The following TBC1D13 variants were observed in gnomAD, a reference collection of about 807,000 sequenced individuals.
TBC1D13 encodes TBC1 domain family member 13.
In TBC1D13, 40 loss-of-function variants were observed where a neutral mutation model predicts 53.6. The ratio of observed to expected loss-of-function variants is 0.75; its 90% CI spans 0.58 to 0.97. TBC1D13 has a LOEUF of 0.97. Ranked by LOEUF, TBC1D13 falls within the 50% of genes least tolerant of loss-of-function variation. TBC1D13 has a pLI of 0.00. For synonymous variants in TBC1D13, 182 were observed against 197.7 expected, an observed-to-expected ratio of 0.92 and a Z score of 0.67; for missense variants, 377 against 499.4, an observed-to-expected ratio of 0.75 and a Z score of 2.34.
At position 128,804,589 on chromosome 9, in the gene TBC1D13, G is replaced by A. The variant is rs1829793911; in HGVS notation, c.918+470G>A. On this transcript the variant is annotated intron_variant, in intron 9 of 11. Coordinates refer to ENST00000372648, the MANE Select transcript of TBC1D13 (RefSeq NM_018201.5). ...GCCCGGCTAATTTTTTGTATTTTTA[G>A]TAGAGATGGAGTTTCACTGTGTTAG... is the stretch of plus-strand genomic sequence containing the variant. Among the ~76,000 whole-genome samples the A allele has an allele frequency of 2.6e-5, 4 of 151,454 alleles. No individual in the cohort carries two copies. The South Asian group carries it at 8.3e-4, about 32-fold the overall frequency.
At chr9:128,807,155 C>T (rs1281141979) in intron 11 of TBC1D13, among the ~76,000 whole-genome samples, 4 of 149,460 alleles carry the variant, frequency 2.7e-5, no homozygotes, top group South Asian at 4.4e-4. Flanking sequence ...GGTGCAATCT[C>T]GGTTCACTGC....
chr9:128,788,422 T>C lies in TBC1D13; in HGVS notation c.97+15T>C. The C allele has an allele frequency of 6.2e-7, 1 of 1,612,988 alleles. No individual in the cohort carries two copies. Among genetic ancestry groups the C allele is most frequent in the Non-Finnish European group, 8.5e-7 (1 of 1,179,070 alleles). ...CAGCTTTAGTGGTAAGAAGCCATTC[T>C]GTATTTTCACGGTTTCCCTACAGCA... On this transcript the variant is annotated intron_variant, in intron 2 of 11. Transcript: ENST00000372648.
At chr9:128,800,789 G>A (rs986926545) in intron 7 of TBC1D13, among the ~76,000 whole-genome samples, 2 of 152,170 alleles carry the variant, frequency 1.3e-5, no homozygotes, top group Non-Finnish European at 2.9e-5. Flanking sequence ...TTATTTGTGT[G>A]TGTATTATAT....
In TBC1D13 at chr9:128,808,040, T is replaced by G. The variant is rs543907778; in HGVS notation, c.*161T>G. On this transcript the variant is annotated 3_prime_UTR_variant, in exon 12 of 12. Coordinates refer to ENST00000372648, the MANE Select transcript of TBC1D13 (RefSeq NM_018201.5). ...CTGGGGACACACTGTGCCGTGCTCC[T>G]TCTGCCGCCACGCCCAGCTCCCCAC... is the stretch of plus-strand genomic sequence containing the variant. 3.0e-6 allele frequency: 2 copies of G among 667,980 alleles called. No homozygotes were observed. The highest frequency in any genetic ancestry group is 5.5e-5 in the East Asian group (2 of 36,426). 41.4% of individuals were successfully genotyped at this position (667,980 alleles called of 1,614,324 possible).
In TBC1D13 at chr9:128,808,010, G is replaced by C; in HGVS notation, c.*131G>C. 1.2e-6 allele frequency: 1 copy of C among 802,250 alleles called. No homozygotes were observed. The highest frequency in any genetic ancestry group is 2.1e-5 in the Admixed American group (1 of 48,756). The allele number at this position is 802,250 out of a possible 1,614,324, so 49.7% of individuals were successfully genotyped here. A position where few individuals can be genotyped will look rare whatever the true frequency, so the allele number is the denominator to read the frequency against. ...AGGATCGGCCCGAGACCCAGGCCAT[G>C]CCCACTGGGGACACACTGTGCCGTG... On this transcript the variant is annotated 3_prime_UTR_variant, in exon 12 of 12. Transcript: ENST00000372648.
intron 7 of TBC1D13, among the ~76,000 whole-genome samples, chr9:128,799,349 A>G (rs1160753193): frequency 6.6e-6 from 1 of 152,206 alleles, no homozygotes; most frequent in African/African-American, 2.4e-5. Flanking sequence ...TTTGAGTTAA[A>G]GACCATCTGT....
intron 7 of TBC1D13, among the ~76,000 whole-genome samples, chr9:128,798,896 TAGAGAC>T (rs1829683389): frequency 6.6e-6 from 1 of 152,206 alleles, no homozygotes. Context: ...TTTTTTTAAA[TAGAGAC>T]AGAGTCTTGC....
At chr9:128,788,294 T>C (rs1294105959) in intron 1 of TBC1D13, 40 bp from the exon 2 acceptor site, 4 of 1,591,536 alleles carry the variant, frequency 2.5e-6, no homozygotes, top group Non-Finnish European at 3.4e-6. Context: ...ACTGAGCCGA[T>C]ATCAGCATGC....
Position 128,808,987 on chromosome 9 carries a change from A to T in TBC1D13, c.*1108A>T, listed in dbSNP as rs900621451. The T allele has an allele frequency of 1.3e-5, 2 of 152,166 alleles. No homozygotes were observed. The highest frequency in any genetic ancestry group is 2.4e-5 in the African/African-American group (1 of 41,436). The allele number at this position is 152,166 out of a possible 1,614,324, so 9.4% of individuals were successfully genotyped here. A position where few individuals can be genotyped will look rare whatever the true frequency, so the allele number is the denominator to read the frequency against. On this transcript the variant is annotated 3_prime_UTR_variant, in exon 12 of 12. Coordinates refer to ENST00000372648, the MANE Select transcript of TBC1D13 (RefSeq NM_018201.5). Reference sequence around the variant, plus strand: ...AGAAAAGGACCTTGATTCTGAGCCCAGGGTCGGAACCCATTGCTTCAGAAG... The same window carrying T: ...AGAAAAGGACCTTGATTCTGAGCCCTGGGTCGGAACCCATTGCTTCAGAAG...
Position 128,804,072 on chromosome 9 carries a change from G to C in TBC1D13, c.871G>C (p.Val291Leu). Residue 291 changes from valine (V) to leucine (L), a missense_variant, in exon 9 of 12, where the codon GTT becomes CTT. Physicochemically the swap from Val to Leu is conservative, Grantham distance 32 (BLOSUM62 1). Transcript: ENST00000372648. Reference protein sequence around the residue: ...QCGITYKMEKVYSTLKDKDVE... With the variant: ...QCGITYKMEKLYSTLKDKDVE... Reference sequence around the variant, plus strand: ...TGGCATCACCTACAAGATGGAGAAGGTTTACTCCACCTTGAAAGATAAGGA... The same window carrying C: ...TGGCATCACCTACAAGATGGAGAAGCTTTACTCCACCTTGAAAGATAAGGA... 2 of 1,614,090 alleles carry C rather than the reference G, an allele frequency of 1.2e-6. No homozygotes were observed. Among genetic ancestry groups the C allele is most frequent in the Non-Finnish European group, 1.7e-6 (2 of 1,180,022 alleles).
chr9:128,802,526 G>A (rs546320371), intron 7 of TBC1D13, among the ~76,000 whole-genome samples: 8 of 152,244 alleles, frequency 5.3e-5, no homozygotes, highest in African/African-American at 1.9e-4. Context: ...ACTTCTCACT[G>A]CTCTGACTTT....
intron 7 of TBC1D13, among the ~76,000 whole-genome samples, chr9:128,799,837 T>C (rs1170261827): frequency 1.3e-5 from 2 of 152,062 alleles, no homozygotes; most frequent in African/African-American, 2.4e-5. Flanking sequence ...CTGGCTAATA[T>C]GGTGAAACCC....
At chr9:128,790,257 C>A (rs1304214000) in intron 2 of TBC1D13, among the ~76,000 whole-genome samples, 246 of 107,854 alleles carry the variant, frequency 2.3e-3, no homozygotes, top group East Asian at 3.0e-3. Context: ...ACTTTGTCTC[C>A]AAAAAAAAAA....
chr9:128,806,168 C>T, intron 10 of TBC1D13, 86 bp from the exon 11 acceptor site: 7 of 1,606,090 alleles, frequency 4.4e-6, no homozygotes, highest in Middle Eastern at 1.7e-4. Flanking sequence ...ACAAACCAAA[C>T]TTGAGGTGGG....
intron 7 of TBC1D13, among the ~76,000 whole-genome samples, chr9:128,801,492 A>G (rs1301202141): frequency 6.6e-6 from 1 of 152,064 alleles, no homozygotes; most frequent in Non-Finnish European, 1.5e-5. Flanking sequence ...ATACTGGCCA[A>G]CATGGTGAAA....
intron 2 of TBC1D13, chr9:128,789,814 A>ATATATGTATGTATAAAG: frequency 2.2e-4 from 1 of 4,484 alleles, no homozygotes; most frequent in African/African-American, 6.5e-4. Context: ...TATATATATA[A>ATATATGTATGTATAAAG]TAATTCCACT....
At chr9:128,800,367 CTTTT>C (rs780656078) in intron 7 of TBC1D13, among the ~76,000 whole-genome samples, 2 of 106,710 alleles carry the variant, frequency 1.9e-5, no homozygotes, top group Admixed American at 9.9e-5. Context: ...TATCTTCCAA[CTTTT>C]TTTTTTTTTT....
rs1192299417 is a variant in TBC1D13 at position 128,801,773 on chromosome 9, T to TG, written c.544-1477_544-1476insG. Among the ~76,000 whole-genome samples the TG allele has an allele frequency of 5.3e-3, 794 of 150,482 alleles. 12 individuals carry two copies. The highest frequency in any genetic ancestry group is 0.018 in the African/African-American group (749 of 40,818). On this transcript the variant is annotated intron_variant, in intron 7 of 11. Coordinates refer to ENST00000372648, the MANE Select transcript of TBC1D13 (RefSeq NM_018201.5). ...TTTTTGTTTTTTGTTTTTTGTTTTT[T>TG]TTTTTTGAGACGGAGTCTCGCACTG... is the stretch of plus-strand genomic sequence containing the variant.
intron 11 of TBC1D13, among the ~76,000 whole-genome samples, chr9:128,807,091 G>GTTTT (rs143057849): frequency 4.2e-5 from 6 of 141,870 alleles, no homozygotes; most frequent in Admixed American, 7.0e-5. Context: ...CTTTGTTGTT[G>GTTTT]TTTTTTTTTT....
Sources: gnomAD v4.1 joint callset for allele counts (sites outside exome capture counted in the v4.1 genomes callset) on GRCh38, gnomAD v4.1.1 for gene constraint, MANE v1.5 for transcripts, NCBI Gene and HGNC (gene_info 2026-07-23, HGNC 2026-07-21) for gene names.